Variants in ENTREP2 observed in about 807,000 individuals in gnomAD.
ENTREP2 encodes protein ENTREP2.
At chr15:29,227,560 G>C in the ENTREP2 span, among the ~76,000 whole-genome samples, 1 of 152,090 alleles carries the variant, frequency 6.6e-6, no homozygotes, top group Admixed American at 6.5e-5. Context: ...GGCCAGAAAG[G>C]GCTGGGAGGA....
the ENTREP2 span, among the ~76,000 whole-genome samples, chr15:29,466,579 G>A: frequency 6.8e-6 from 1 of 146,422 alleles, no homozygotes; most frequent in Non-Finnish European, 1.5e-5. Context: ...CCCCAGGGGA[G>A]AGCCCAGGGG....
At chr15:29,546,748 G>A in the ENTREP2 span, among the ~76,000 whole-genome samples, 10 of 151,838 alleles carry the variant, frequency 6.6e-5, no homozygotes, top group African/African-American at 1.5e-4. Context: ...TTAGCTGGGT[G>A]TGGTGGTGGG....
At chr15:29,665,852 CTTT>C in the ENTREP2 span, among the ~76,000 whole-genome samples, 6 of 131,078 alleles carry the variant, frequency 4.6e-5, no homozygotes, top group Admixed American at 1.6e-4. Flanking sequence ...TTTACATCAT[CTTT>C]TTTTTTTTTT....
chr15:29,191,448 A>C, the ENTREP2 span, among the ~76,000 whole-genome samples: 4 of 126,026 alleles, frequency 3.2e-5, no homozygotes, highest in East Asian at 1.2e-3. Context: ...AACCGTAACC[A>C]AGGAGAGAAG....
chr15:29,345,494 C>T, the ENTREP2 span, among the ~76,000 whole-genome samples: 1 of 152,268 alleles, frequency 6.6e-6, no homozygotes, highest in African/African-American at 2.4e-5. Context: ...CCCTTCTACC[C>T]CTGCAAGCCC....
At chr15:29,282,583 T>A in the ENTREP2 span, among the ~76,000 whole-genome samples, 1 of 152,160 alleles carries the variant, frequency 6.6e-6, no homozygotes, top group Admixed American at 6.5e-5. Context: ...CTTCAAATTG[T>A]TCCTCGTTTC....
the ENTREP2 span, among the ~76,000 whole-genome samples, chr15:29,355,416 T>A: frequency 6.8e-6 from 1 of 147,532 alleles, no homozygotes; most frequent in Non-Finnish European, 1.5e-5. Flanking sequence ...CCCATTGGCT[T>A]TTTTTTTTTT....
At chr15:29,458,774 T>C in the ENTREP2 span, among the ~76,000 whole-genome samples, 1 of 152,248 alleles carries the variant, frequency 6.6e-6, no homozygotes, top group African/African-American at 2.4e-5. Context: ...TTTTCTGGTT[T>C]GTACTCACGT....
chr15:29,373,637 A>ATTTT, the ENTREP2 span: 3 of 151,480 alleles, frequency 2.0e-5, no homozygotes, highest in African/African-American at 7.3e-5. Flanking sequence ...TTTTATTTTT[A>ATTTT]TTTTTATTGT....
At chr15:29,588,634 A>G in the ENTREP2 span, among the ~76,000 whole-genome samples, 1 of 152,008 alleles carries the variant, frequency 6.6e-6, no homozygotes, top group East Asian at 1.9e-4. Context: ...AGAAGGAAGG[A>G]AGGAAGGAGA....
the ENTREP2 span, among the ~76,000 whole-genome samples, chr15:29,217,771 T>A: frequency 6.6e-6 from 1 of 152,332 alleles, no homozygotes; most frequent in Non-Finnish European, 1.5e-5. Flanking sequence ...CAGGGACTTC[T>A]TGGTTTGGAT....
chr15:29,151,890 G>T, the ENTREP2 span: 6 of 1,416,474 alleles, frequency 4.2e-6, no homozygotes, highest in Non-Finnish European at 5.8e-6. Flanking sequence ...GAAATAGATA[G>T]CAGAATCCTT....
the ENTREP2 span, among the ~76,000 whole-genome samples, chr15:29,145,510 C>A: frequency 6.8e-6 from 1 of 148,092 alleles, no homozygotes; most frequent in East Asian, 2.0e-4. Context: ...GTAGTCCCAA[C>A]TATTCAGGAG....
the ENTREP2 span, among the ~76,000 whole-genome samples, chr15:29,148,288 T>C: frequency 0.036 from 5,542 of 152,120 alleles, 313 homozygotes; most frequent in African/African-American, 0.12. Context: ...GTATGATAGG[T>C]GAATTGTATC....
chr15:29,322,705 C>T, the ENTREP2 span, among the ~76,000 whole-genome samples: 3 of 152,262 alleles, frequency 2.0e-5, no homozygotes, highest in South Asian at 2.1e-4. Context: ...AATATATAAT[C>T]GATTATTTCT....
At chr15:29,326,409 CTTTCCCA>C in the ENTREP2 span, among the ~76,000 whole-genome samples, 5 of 152,060 alleles carry the variant, frequency 3.3e-5, no homozygotes, top group South Asian at 6.2e-4. Context: ...AAGTCAATTG[CTTTCCCA>C]TATTCCAGCA....
the ENTREP2 span, among the ~76,000 whole-genome samples, chr15:29,178,532 G>T: frequency 6.6e-6 from 1 of 151,772 alleles, no homozygotes; most frequent in Non-Finnish European, 1.5e-5. Context: ...CTTGTCCCTG[G>T]GGCCTGGGCG....
chr15:29,584,190 AAC>A, the ENTREP2 span, among the ~76,000 whole-genome samples: 20 of 106,610 alleles, frequency 1.9e-4, 1 homozygote, highest in Middle Eastern at 5.2e-3. Context: ...AAATACAGTA[AAC>A]ATGTATTTGT....
the ENTREP2 span, among the ~76,000 whole-genome samples, chr15:29,579,686 A>ATTTTTTT: frequency 3.4e-4 from 19 of 55,822 alleles, 2 homozygotes; most frequent in African/African-American, 1.2e-3. Context: ...CACCCAGCTA[A>ATTTTTTT]TTTTTTTTTT....
Sources: gnomAD v4.1 joint callset for allele counts (sites outside exome capture counted in the v4.1 genomes callset) on GRCh38, gnomAD v4.1.1 for gene constraint, MANE v1.5 for transcripts, NCBI Gene and HGNC (gene_info 2026-07-23, HGNC 2026-07-21) for gene names.